The following TANC2 variants were observed in gnomAD, a reference collection of about 807,000 sequenced individuals.
TANC2 encodes the protein tetratricopeptide repeat, ankyrin repeat and coiled-coil containing 2, also known as protein TANC2.
Under a neutral mutation model 210.5 loss-of-function variants are expected in TANC2, and 26 were observed. That is an observed-to-expected ratio of 0.12 (90% CI 0.09 to 0.17). The LOEUF is 0.17. Among genes scored for constraint, TANC2 ranks in the 10% least tolerant of loss-of-function variants. The pLI is 1.00. For synonymous variants in TANC2, 931 were observed against 967.1 expected (o/e 0.96, Z 0.69); for missense variants, 2,129 against 2,608.9 (o/e 0.82, Z 4.01).
intron 6 of TANC2, among the ~76,000 whole-genome samples, chr17:63,200,373 AAAAG>A (rs1567808998): frequency 6.7e-6 from 1 of 149,744 alleles, no homozygotes; most frequent in African/African-American, 2.5e-5. Context: ...AAAAAAAAAA[AAAAG>A]AAAGAAAGAA....
At chr17:63,344,303 G>A (rs1168445320) in intron 12 of TANC2, among the ~76,000 whole-genome samples, 3 of 152,132 alleles carry the variant, frequency 2.0e-5, no homozygotes, top group East Asian at 1.9e-4. Flanking sequence ...CAGTCCCTCC[G>A]AAGTACACCA....
At chr17:63,161,606 G>A (rs2040027457) in intron 5 of TANC2, among the ~76,000 whole-genome samples, 1 of 152,064 alleles carries the variant, frequency 6.6e-6, no homozygotes, top group Non-Finnish European at 1.5e-5. Flanking sequence ...CATTTTCATA[G>A]TGTATTTTGC....
intron 14 of TANC2, among the ~76,000 whole-genome samples, chr17:63,374,031 G>GTTTT (rs2047349955): frequency 1.0e-5 from 1 of 100,478 alleles, no homozygotes; most frequent in Non-Finnish European, 1.9e-5. Context: ...AGTTGTTGTT[G>GTTTT]GTTTTTTTTT....
intron 2 of TANC2, among the ~76,000 whole-genome samples, chr17:63,021,063 T>C (rs1189810860): frequency 6.6e-6 from 1 of 152,110 alleles, no homozygotes; most frequent in Non-Finnish European, 1.5e-5. Flanking sequence ...ATCTCCAACA[T>C]TGGGGGTCAC....
chr17:63,401,972 A>G (rs188564013), intron 19 of TANC2, among the ~76,000 whole-genome samples: 64 of 152,290 alleles, frequency 4.2e-4, no homozygotes, highest in Admixed American at 2.0e-3. Flanking sequence ...TTTGTGATAC[A>G]TCTCTCAGAC....
intron 7 of TANC2, among the ~76,000 whole-genome samples, chr17:63,229,172 T>C (rs908570431): frequency 5.3e-5 from 8 of 152,330 alleles, no homozygotes; most frequent in African/African-American, 1.9e-4. Flanking sequence ...CTTTTCTACG[T>C]CTATTGAAAT....
chr17:63,176,083 C>T (rs888318212), intron 5 of TANC2, among the ~76,000 whole-genome samples: 2 of 152,334 alleles, frequency 1.3e-5, no homozygotes, highest in Admixed American at 6.5e-5. Context: ...GGAACAGGAA[C>T]TCTCATGCAC....
chr17:63,258,442 C>T (rs1238461717), intron 8 of TANC2, among the ~76,000 whole-genome samples: 2 of 152,182 alleles, frequency 1.3e-5, no homozygotes, highest in African/African-American at 2.4e-5. Flanking sequence ...GTCTCTGTCT[C>T]CTCTTTAATG....
intron 4 of TANC2, among the ~76,000 whole-genome samples, chr17:63,118,866 T>C (rs2145108594): frequency 6.7e-6 from 1 of 150,040 alleles, no homozygotes; most frequent in South Asian, 2.1e-4. Flanking sequence ...TGCTGCAAGC[T>C]CTGCCTCCCG....
chr17:63,003,211 T>C (rs534092915), intron 1 of TANC2, among the ~76,000 whole-genome samples: 15 of 152,358 alleles, frequency 9.8e-5, no homozygotes, highest in Non-Finnish European at 1.6e-4. Flanking sequence ...CAATGACATA[T>C]AATGTTGAGC....
Position 63,307,302 on chromosome 17 carries a change from G to A in TANC2, c.1160-7086G>A, listed in dbSNP as rs1217367433. ...TAGCAATAGGAGTAGTCGATAAGAA[G>A]GACCCTTTCTTTTCTAGAAAACTAC... On this transcript the variant is annotated intron_variant, in intron 9 of 27. Transcript: ENST00000689528. Among the ~76,000 whole-genome samples, 4 of 152,120 alleles carry A rather than the reference G, an allele frequency of 2.6e-5. No homozygotes were observed. In the South Asian group the frequency reaches 8.3e-4, roughly 32 times the overall value.
intron 5 of TANC2, among the ~76,000 whole-genome samples, chr17:63,183,230 C>T (rs929480169): frequency 2.6e-5 from 4 of 152,204 alleles, no homozygotes; most frequent in Non-Finnish European, 4.4e-5. Context: ...GAAATGTGAG[C>T]CAGGTGTAGT....
chr17:63,290,310 C>T (rs72845243), intron 9 of TANC2, among the ~76,000 whole-genome samples: 1 of 151,990 alleles, frequency 6.6e-6, no homozygotes. Context: ...TTGTCAGTAG[C>T]AAGTCAGGTT....
chr17:62,970,948 C>CT lies in TANC2; in HGVS notation c.-24+4208dup, dbSNP rs540320913. Among the ~76,000 whole-genome samples, 6 of 151,540 alleles carry CT rather than the reference C, an allele frequency of 4.0e-5. No homozygotes were observed. The East Asian group carries it at 5.8e-4, about 15-fold the overall frequency. On this transcript the variant is annotated intron_variant, in intron 1 of 27. Coordinates refer to ENST00000689528, the Ensembl canonical transcript of TANC2. Reference sequence around the variant, plus strand: ...TTGGAAGCTAGTTCAATTATTTGGACTTTTTTTTTCTTTCTGAATGACTTG... The same window carrying CT: ...TTGGAAGCTAGTTCAATTATTTGGACTTTTTTTTTTCTTTCTGAATGACTTG...
intron 4 of TANC2, chr17:63,130,766 G>A (rs2038889574): frequency 6.6e-6 from 1 of 152,114 alleles, no homozygotes; most frequent in Non-Finnish European, 1.5e-5. Flanking sequence ...ATTCTGCCTT[G>A]AGGCTCCCCT....
At chr17:63,147,511 T>C (rs1283590255) in intron 4 of TANC2, among the ~76,000 whole-genome samples, 3 of 152,206 alleles carry the variant, frequency 2.0e-5, no homozygotes, top group African/African-American at 7.2e-5. Context: ...AATCCAGTGT[T>C]CACAAACTTC....
At chr17:63,423,548 G>C (rs2049074962) in exon 28 of TANC2, 1 of 152,230 alleles carries the variant, frequency 6.6e-6, no homozygotes, top group African/African-American at 2.4e-5. Context: ...TGTTAGGGAA[G>C]GGCTGCAGGA....
intron 7 of TANC2, among the ~76,000 whole-genome samples, chr17:63,222,462 CA>C (rs2042219039): frequency 6.6e-6 from 1 of 152,092 alleles, no homozygotes; most frequent in Non-Finnish European, 1.5e-5. Context: ...AAGCTTGAAA[CA>C]AAAGACTGCA....
intron 3 of TANC2, among the ~76,000 whole-genome samples, chr17:63,098,671 A>G (rs1175050608): frequency 1.3e-5 from 2 of 151,912 alleles, no homozygotes; most frequent in African/African-American, 4.8e-5. Context: ...AGTAAACAGC[A>G]TGTAATTACT....
Sources: gnomAD v4.1 joint callset for allele counts (sites outside exome capture counted in the v4.1 genomes callset) on GRCh38, gnomAD v4.1.1 for gene constraint, MANE v1.5 for transcripts, NCBI Gene and HGNC (gene_info 2026-07-23, HGNC 2026-07-21) for gene names.